The following SMIM9 variants were observed in gnomAD, a reference collection of about 807,000 sequenced individuals.
SMIM9 encodes the protein chromosome X open reading frame 68.
SMIM9 carries 8 observed loss-of-function variants against 7.2 expected under a neutral mutation model. The ratio of observed to expected loss-of-function variants is 1.10; its 90% CI spans 0.65 to 1.99. SMIM9 has a LOEUF of 1.99. SMIM9 is among the 30% of genes most tolerant of loss of function. The pLI, the probability that SMIM9 is intolerant of heterozygous loss-of-function variation, is 0.00. For synonymous variants in SMIM9, 19 were observed against 26.4 expected (o/e 0.72, Z 0.86); for missense variants, 76 against 69.3 (o/e 1.10, Z -0.34).
chrX:154,825,638 C>G (rs1392367090), intron 4 of SMIM9, among the ~76,000 whole-genome samples: 1 of 108,962 alleles, frequency 9.2e-6, no homozygotes, highest in Admixed American at 9.8e-5. Context: ...TATTGCGGCA[C>G]TATTCACAAT....
intron 4 of SMIM9, among the ~76,000 whole-genome samples, chrX:154,824,304 C>A (rs781926912): frequency 1.1e-5 from 1 of 90,303 alleles, no homozygotes; most frequent in African/African-American, 4.2e-5. Flanking sequence ...TGCAGTGAGC[C>A]GAGATCACGC....
At chrX:154,833,264 C>T (rs1324804909) in intron 1 of SMIM9, among the ~76,000 whole-genome samples, 7 of 112,418 alleles carry the variant, frequency 6.2e-5, no homozygotes, top group Admixed American at 9.4e-5. Flanking sequence ...AGTAATTTCA[C>T]AGCATATACG....
intron 4 of SMIM9, among the ~76,000 whole-genome samples, chrX:154,829,014 A>G (rs782812092): frequency 8.9e-6 from 1 of 111,964 alleles, no homozygotes; most frequent in South Asian, 3.7e-4. Context: ...GTAATTTTTA[A>G]TTGTCTTCTT....
chrX:154,830,592 A>G (rs980371002), intron 3 of SMIM9, 123 bp downstream of exon 3: 3 of 935,940 alleles, frequency 3.2e-6, no homozygotes, highest in Admixed American at 3.5e-5. Context: ...GAACCAAACC[A>G]GAATAGTTTG....
chrX:154,833,907 G>C (rs1334030258), intron 1 of SMIM9, among the ~76,000 whole-genome samples: 2 of 112,242 alleles, frequency 1.8e-5, no homozygotes, highest in African/African-American at 6.5e-5. Flanking sequence ...TTTTTGTAGA[G>C]TCCTCCAGTC....
At chrX:154,824,270 T>G (rs2148550726) in intron 4 of SMIM9, among the ~76,000 whole-genome samples, 1 of 95,932 alleles carries the variant, frequency 1.0e-5, no homozygotes, top group Admixed American at 1.3e-4. Context: ...GGCAGGAGAA[T>G]GGCGTGAACC....
chrX:154,824,149 A>G (rs2072408625), intron 4 of SMIM9, among the ~76,000 whole-genome samples: 1 of 110,396 alleles, frequency 9.1e-6, no homozygotes, highest in Non-Finnish European at 1.9e-5. Flanking sequence ...CGAGGTCAGG[A>G]GATCGAGACC....
At position 154,823,714 on chromosome X, in the gene SMIM9, A is replaced by T; in HGVS notation, c.*41T>A. On this transcript the variant is annotated 3_prime_UTR_variant, in exon 5 of 5. Transcript: ENST00000369529. ...AAATGCCCCACTCTTTTGGAGTCCA[A>T]CTGGAGAGACCACACTTGCCCTGTT... is the stretch of plus-strand genomic sequence containing the variant. The T allele has an allele frequency of 8.8e-7, 1 of 1,133,035 alleles. No homozygotes were observed. Among genetic ancestry groups the T allele is most frequent in the South Asian group, 2.1e-5 (1 of 47,797 alleles). The allele number at this position is 1,133,035 out of a possible 1,213,427, so 93.4% of individuals were successfully genotyped here. A position where few individuals can be genotyped will look rare whatever the true frequency, so the allele number is the denominator to read the frequency against.
chrX:154,830,550 A>G, intron 3 of SMIM9, 165 bp downstream of exon 3: 1 of 572,864 alleles, frequency 1.7e-6, no homozygotes, highest in Non-Finnish European at 2.7e-6. Flanking sequence ...CTTGGTACGT[A>G]GTAGGTAGGT....
intron 2 of SMIM9, among the ~76,000 whole-genome samples, chrX:154,832,325 A>G (rs1346981758): frequency 8.9e-6 from 1 of 111,908 alleles, no homozygotes; most frequent in Non-Finnish European, 1.9e-5. Context: ...AGATGGTGCT[A>G]CCATTTTCCC....
intron 3 of SMIM9, 137 bp downstream of exon 3, chrX:154,830,578 A>C: frequency 9.4e-6 from 8 of 847,849 alleles, no homozygotes; most frequent in Non-Finnish European, 1.3e-5. Flanking sequence ...TGTTGAACTA[A>C]ATTGAACCAA....
At chrX:154,830,180 A>G (rs1176309791) in intron 3 of SMIM9, among the ~76,000 whole-genome samples, 1 of 111,411 alleles carries the variant, frequency 9.0e-6, no homozygotes, top group Non-Finnish European at 1.9e-5. Context: ...TTTCATTAGC[A>G]ACTGGGGGAG....
chrX:154,832,482 G>A (rs1252757310), intron 2 of SMIM9, 92 bp downstream of exon 2: 3 of 111,937 alleles, frequency 2.7e-5, no homozygotes, highest in Non-Finnish European at 5.6e-5. Context: ...TATAATTTGG[G>A]CCTCCTATTA....
At chrX:154,826,111 A>T (rs2072421072) in intron 4 of SMIM9, among the ~76,000 whole-genome samples, 1 of 111,568 alleles carries the variant, frequency 9.0e-6, no homozygotes, top group South Asian at 3.8e-4. Flanking sequence ...AAAAAATTAT[A>T]ACTTTTTCTT....
At chrX:154,827,385 C>T (rs1274394086) in intron 4 of SMIM9, 1 of 112,374 alleles carries the variant, frequency 8.9e-6, no homozygotes, top group Non-Finnish European at 1.9e-5. Flanking sequence ...TGATCCTTCA[C>T]TCATGCCTCA....
rs2072460913 is a variant in SMIM9, at chrX:154,834,618, CT to C, written c.-266del. 1 of 111,562 alleles carries C rather than the reference CT, an allele frequency of 9.0e-6. No individual in the cohort carries two copies. Among genetic ancestry groups the C allele is most frequent in the Admixed American group, 9.5e-5 (1 of 10,573 alleles). 9.2% of individuals were successfully genotyped at this position (111,562 alleles called of 1,213,427 possible). A position where few individuals can be genotyped will look rare whatever the true frequency, so the allele number is the denominator to read the frequency against. On this transcript the variant is annotated 5_prime_UTR_variant, in exon 1 of 5. An upstream open reading frame in the 5' UTR loses its in-frame stop. Coordinates refer to ENST00000369529, the MANE Select transcript of SMIM9 (RefSeq NM_001162936.4). ...GGATGATGAGATTGGAGTCATGTAT[CT>C]GCTGGGACTGCAGTCATCTGAAAGC... is the stretch of plus-strand genomic sequence containing the variant.
At chrX:154,831,547 A>G (rs961372901) in intron 2 of SMIM9, among the ~76,000 whole-genome samples, 9 of 109,653 alleles carry the variant, frequency 8.2e-5, no homozygotes, top group Non-Finnish European at 1.5e-4. Context: ...CACCACCTCC[A>G]CTGCTACCCA....
intron 4 of SMIM9, 107 bp from the exon 5 acceptor site, chrX:154,823,889 C>A: frequency 3.0e-6 from 2 of 661,336 alleles, no homozygotes; most frequent in Non-Finnish European, 4.3e-6. Context: ...TAATATGAAC[C>A]AAATAATTCC....
At position 154,826,165 on chromosome X, in the gene SMIM9, T is replaced by C. The variant is rs10126699; in HGVS notation, c.273-2383A>G. ...TCTCTTCATCGAAGAAATCATTCTGTGCCTCCTGCATCTACCATTTCTTCT... is the reference window on the plus strand; with the variant it reads ...TCTCTTCATCGAAGAAATCATTCTGCGCCTCCTGCATCTACCATTTCTTCT... On this transcript the variant is annotated intron_variant, in intron 4 of 4. Coordinates refer to ENST00000369529, the MANE Select transcript of SMIM9 (RefSeq NM_001162936.4). Among the ~76,000 whole-genome samples the C allele has an allele frequency of 8.8e-3, 982 of 112,200 alleles. 13 individuals carry two copies. The highest frequency in any genetic ancestry group is 0.03 in the African/African-American group (943 of 30,937).
Sources: allele counts gnomAD v4.1 joint callset (sites outside exome capture counted in the v4.1 genomes callset), GRCh38; gene constraint gnomAD v4.1.1; transcripts MANE v1.5; gene names NCBI Gene and HGNC (gene_info 2026-07-23, HGNC 2026-07-21).